FKBP15: variants seen among roughly 807,000 people sequenced by gnomAD.
The protein encoded by FKBP15 is FK506-binding protein 15.
FKBP15 carries 106 observed loss-of-function variants against 158.1 expected under a neutral mutation model. The ratio of observed to expected loss-of-function variants is 0.67; its 90% CI spans 0.57 to 0.79. FKBP15 has a LOEUF of 0.79. Among genes scored for constraint, FKBP15 ranks in the 30% least tolerant of loss-of-function variants. The pLI is 0.00. For missense variants in FKBP15, 1,287 were observed against 1,479.1 expected (o/e 0.87, Z 2.13); for synonymous variants, 547 against 548.6 (o/e 1.00, Z 0.04).
intron 26 of FKBP15, among the ~76,000 whole-genome samples, chr9:113,168,976 A>ACGACACTACCACTGTGCCCG (rs1564146882): frequency 5.1e-5 from 3 of 59,106 alleles, no homozygotes; most frequent in South Asian, 1.1e-3. Context: ...CACAGGGCCC[A>ACGACACTACCACTGTGCCCG]CCACACTACC....
rs1335302150 is a variant in FKBP15 at position 113,170,596 on chromosome 9, A to G, written c.2692T>C (p.Leu898=). The G allele has an allele frequency of 6.2e-7, 1 of 1,613,808 alleles. No individual in the cohort carries two copies. The highest frequency in any genetic ancestry group is 1.3e-5 in the African/African-American group (1 of 74,936). Residue 898 remains leucine, a synonymous_variant, in exon 25 of 28, where the codon TTA becomes CTA. Coordinates refer to ENST00000238256, the MANE Select transcript of FKBP15 (RefSeq NM_015258.2). ...TCCTCCAGCTCAAACTCTCTCCGTA[A>G]GGACTGGAACACCTGGTTCATGATC... ...KKIMNQVFQS[L]RREFELEESY... is the part of the protein sequence containing the mutation.
chr9:113,176,823 A>G (rs1830307270), intron 20 of FKBP15, 150 bp from the exon 21 acceptor site: 1 of 792,964 alleles, frequency 1.3e-6, no homozygotes, highest in Non-Finnish European at 1.9e-6. Context: ...ATCATAGCTC[A>G]CTATAGCCTC....
At chr9:113,189,547 A>C (rs1830539325) in intron 12 of FKBP15, among the ~76,000 whole-genome samples, 2 of 152,062 alleles carry the variant, frequency 1.3e-5, no homozygotes, top group Admixed American at 1.3e-4. Context: ...TCCAGACCAG[A>C]AAAAAATAAT....
chr9:113,169,423 G>A lies in FKBP15; in HGVS notation c.3286C>T (p.Leu1096=), dbSNP rs3810910. The change falls in exon 26 of 28, where the codon CTG becomes TTG. Residue 1096 remains leucine (L), a synonymous_variant. Transcript: ENST00000238256. The stretch of plus-strand genomic sequence containing the variant: ...TCCTCGGGGTCTGAAGTCAGGGACA[G>A]TCTTGTGGAGCTTTCTTGTAGTGGG... The part of the protein sequence containing the change: ...DGPLQESSTR[L]SLTSDPEEGD... 0.32 allele frequency: 510,238 copies of A among 1,613,832 alleles called. 82,449 individuals are homozygous for A. The highest frequency in any genetic ancestry group is 0.39 in the Middle Eastern group (2,373 of 6,062).
At chr9:113,166,997 G>A (rs753925117) in intron 27 of FKBP15, among the ~76,000 whole-genome samples, 3 of 152,232 alleles carry the variant, frequency 2.0e-5, no homozygotes, top group Non-Finnish European at 4.4e-5. Context: ...AGGGAAGGCA[G>A]CGTGATGTGT....
Position 113,171,667 on chromosome 9 carries a change from G to A in FKBP15, c.2572C>T (p.Gln858Ter). 1 of 1,602,150 alleles carries A rather than the reference G, an allele frequency of 6.2e-7. No homozygotes were observed. Among genetic ancestry groups the A allele is most frequent in the South Asian group, 1.1e-5 (1 of 88,680 alleles). ...AGTTCCTTGATGTGCTGTTCATTTT[G>A]CTTGGTGAGAGCTGTGATTTGGGCC... ...LQAQITALTK[Q>*]NEQHIKELEK... The change falls in exon 24 of 28, where the codon CAA becomes TAA. Residue 858 changes from glutamine to a stop codon, truncating the protein, a stop_gained. Transcript: ENST00000238256. LOFTEE classifies it high-confidence loss of function.
rs1830154760 is a variant in FKBP15, at chr9:113,169,107, T to C, written c.3485+117A>G. ...GTTGTTGAATTAATACATCAACTAA[T>C]GAATGAAGACATGAGTAAATTAGTC... On this transcript the variant is annotated intron_variant, in intron 26 of 27. Transcript: ENST00000238256. 3.9e-5 allele frequency: 53 copies of C among 1,349,610 alleles called. No homozygotes were observed. The South Asian group carries it at 7.7e-4, about 20-fold the overall frequency. 83.6% of individuals were successfully genotyped at this position (1,349,610 alleles called of 1,614,324 possible). A position where few individuals can be genotyped will look rare whatever the true frequency, so the allele number is the denominator to read the frequency against.
chr9:113,213,410 C>CAA (rs61181107), intron 1 of FKBP15, among the ~76,000 whole-genome samples: 20 of 136,218 alleles, frequency 1.5e-4, no homozygotes, highest in South Asian at 7.1e-4. Flanking sequence ...ACTCCGTCTC[C>CAA]AAAAAAAAAA....
intron 6 of FKBP15, 66 bp from the exon 7 acceptor site, chr9:113,200,029 C>T: frequency 1.3e-6 from 2 of 1,482,540 alleles, no homozygotes; most frequent in Non-Finnish European, 1.8e-6. Flanking sequence ...TCCTTTATTG[C>T]TACTGCTCTT....
In FKBP15 at chr9:113,214,450, CT is replaced by C. The variant is rs201281951; in HGVS notation, c.54-2859del. On this transcript the variant is annotated intron_variant, in intron 1 of 27. Coordinates refer to ENST00000238256, the MANE Select transcript of FKBP15 (RefSeq NM_015258.2). ...TGGGCAGTAATAATTTGAAAGAAGGCTTTTTTTTTCTGAACAGTGGGTCTCA... is the reference window on the plus strand; with the variant it reads ...TGGGCAGTAATAATTTGAAAGAAGGCTTTTTTTTCTGAACAGTGGGTCTCA... 3.3e-5 allele frequency among the ~76,000 whole-genome samples: 5 copies of C among 151,424 alleles called. No homozygotes were observed. In the South Asian group the frequency reaches 6.3e-4, roughly 19 times the overall value.
chr9:113,216,908 T>C (rs923267051), intron 1 of FKBP15, among the ~76,000 whole-genome samples: 42 of 149,508 alleles, frequency 2.8e-4, no homozygotes, highest in South Asian at 1.3e-3. Context: ...CATTTTCTTT[T>C]TTTTTTTTTT....
intron 1 of FKBP15, among the ~76,000 whole-genome samples, chr9:113,216,904 C>CT (rs71491083): frequency 0.025 from 3,346 of 131,744 alleles, 59 homozygotes; most frequent in African/African-American, 0.037. Flanking sequence ...ATTCCATTTT[C>CT]TTTTTTTTTT....
chr9:113,202,590 T>G lies in FKBP15; in HGVS notation c.439A>C (p.Arg147=), dbSNP rs1339849479. Residue 147 remains arginine, a synonymous_variant, in exon 6 of 28, where the codon AGA becomes CGA. Coordinates refer to ENST00000238256, the MANE Select transcript of FKBP15 (RefSeq NM_015258.2). ...TCAAACATGATGGACCAGTTCTGTC[T>G]CTGGTCATCATAAAAGGTGCTATAG... The part of the protein sequence containing the change: ...NNYSTFYDDQ[R]QNWSIMFESE... 6.3e-7 allele frequency: 1 copy of G among 1,581,686 alleles called. No homozygotes were observed. Among genetic ancestry groups the G allele is most frequent in the South Asian group, 1.2e-5 (1 of 86,276 alleles).
intron 19 of FKBP15, among the ~76,000 whole-genome samples, chr9:113,182,007 T>G (rs1388248674): frequency 6.6e-6 from 1 of 152,202 alleles, no homozygotes; most frequent in African/African-American, 2.4e-5. Context: ...ATTCTAGGGC[T>G]AAGAGAAGAC....
chr9:113,191,813 T>C (rs1035485409), intron 11 of FKBP15, among the ~76,000 whole-genome samples: 2 of 151,724 alleles, frequency 1.3e-5, no homozygotes, highest in African/African-American at 4.8e-5. Flanking sequence ...TAAAAGCAGT[T>C]ACCTAAGGGG....
rs953443494 is a variant in FKBP15, at chr9:113,164,027, G to GA, written c.*2050dup. 6 of 152,644 alleles carry GA rather than the reference G, an allele frequency of 3.9e-5. No individual in the cohort carries two copies. The highest frequency in any genetic ancestry group is 1.3e-4 in the Admixed American group (2 of 15,278). The allele number at this position is 152,644 out of a possible 1,614,324, so 9.5% of individuals were successfully genotyped here. A position where few individuals can be genotyped will look rare whatever the true frequency, so the allele number is the denominator to read the frequency against. On this transcript the variant is annotated 3_prime_UTR_variant, in exon 28 of 28. Coordinates refer to ENST00000238256, the MANE Select transcript of FKBP15 (RefSeq NM_015258.2). Reference sequence around the variant, plus strand: ...TTCACTTTATAAAAAAGGAAAGAGAGAAAATCACTGCTGTATACTAAATAC... The same window carrying GA: ...TTCACTTTATAAAAAAGGAAAGAGAGAAAAATCACTGCTGTATACTAAATAC...
At chr9:113,191,850 A>G (rs1266879466) in intron 11 of FKBP15, among the ~76,000 whole-genome samples, 1 of 151,848 alleles carries the variant, frequency 6.6e-6, no homozygotes, top group Non-Finnish European at 1.5e-5. Context: ...GTAGATAAGG[A>G]CAGGAATAGG....
At chr9:113,166,600 C>T (rs192208549) in intron 27 of FKBP15, among the ~76,000 whole-genome samples, 28 of 152,276 alleles carry the variant, frequency 1.8e-4, no homozygotes, top group African/African-American at 6.0e-4. Context: ...AAAATACTGT[C>T]GTCGTGGCCT....
At chr9:113,219,208 C>T (rs2118969473) in intron 1 of FKBP15, among the ~76,000 whole-genome samples, 1 of 152,198 alleles carries the variant, frequency 6.6e-6, no homozygotes, top group East Asian at 1.9e-4. Flanking sequence ...CTCTAAGAGG[C>T]CTAGAAACTC....
Sources: gnomAD v4.1 joint callset for allele counts (sites outside exome capture counted in the v4.1 genomes callset) on GRCh38, gnomAD v4.1.1 for gene constraint, MANE v1.5 for transcripts, NCBI Gene and HGNC (gene_info 2026-07-23, HGNC 2026-07-21) for gene names.